The following SLC15A1 variants were observed in gnomAD, a reference collection of about 807,000 sequenced individuals.
The protein encoded by SLC15A1 is solute carrier family 15 member 1.
A neutral mutation model predicts 92.9 loss-of-function variants in SLC15A1; 83 were observed. That is an observed-to-expected ratio of 0.89 (90% CI 0.75 to 1.07). The LOEUF (loss-of-function observed/expected upper bound fraction) is 1.07, where lower values mean the gene tolerates loss of function less well. Ranked by LOEUF, SLC15A1 falls within the 50% of genes least tolerant of loss-of-function variation. The pLI is 0.00. For synonymous variants in SLC15A1, 322 were observed against 318.2 expected (o/e 1.01, Z -0.13); for missense variants, 857 against 880.1 (o/e 0.97, Z 0.33).
chr13:98,704,960 A>G (rs1379411712), intron 16 of SLC15A1, among the ~76,000 whole-genome samples: 1 of 151,948 alleles, frequency 6.6e-6, no homozygotes, highest in African/African-American at 2.4e-5. Context: ...GCACTTTGGG[A>G]GGCTGAGGCA....
intron 2 of SLC15A1, 194 bp downstream of exon 2, chr13:98,726,648 TC>T: frequency 2.7e-6 from 2 of 739,870 alleles, no homozygotes; most frequent in South Asian, 1.6e-5. Context: ...AAATAAAGCA[TC>T]CAGTGGTATT....
chr13:98,719,459 A>T, intron 7 of SLC15A1, 139 bp from the exon 8 acceptor site: 1 of 558,310 alleles, frequency 1.8e-6, no homozygotes, highest in Non-Finnish European at 3.1e-6. Flanking sequence ...TCACTGACAT[A>T]ATTGCCAGCT....
intron 1 of SLC15A1, among the ~76,000 whole-genome samples, chr13:98,746,124 G>T (rs2088491231): frequency 6.6e-6 from 1 of 152,184 alleles, no homozygotes; most frequent in South Asian, 2.1e-4. Context: ...GGAAAATGCA[G>T]TGTTTGATTT....
At chr13:98,726,966 C>G (rs2088307230) in intron 1 of SLC15A1, 107 bp from the exon 2 acceptor site, 1 of 978,668 alleles carries the variant, frequency 1.0e-6, no homozygotes, top group South Asian at 1.4e-5. Flanking sequence ...AGGGGCCATT[C>G]ACCAAACAGC....
intron 22 of SLC15A1, 27 bp from the exon 23 acceptor site, chr13:98,684,942 G>A (rs768227702): frequency 1.9e-6 from 3 of 1,583,880 alleles, no homozygotes; most frequent in Non-Finnish European, 2.6e-6. Context: ...GTTGGAGCAG[G>A]AAAAAGAACA....
At chr13:98,687,854 CAT>C in intron 20 of SLC15A1, 130 bp from the exon 21 acceptor site, 2 of 1,066,392 alleles carry the variant, frequency 1.9e-6, no homozygotes, top group Non-Finnish European at 2.7e-6. Flanking sequence ...ACATTTTAAA[CAT>C]AAGGCAACAC....
intron 7 of SLC15A1, among the ~76,000 whole-genome samples, chr13:98,720,063 G>T (rs866802771): frequency 2.0e-5 from 3 of 152,226 alleles, no homozygotes; most frequent in African/African-American, 7.2e-5. Flanking sequence ...CTCCAGGCAT[G>T]ATCTGCTGCT....
chr13:98,707,953 A>G (rs925283356), intron 15 of SLC15A1, among the ~76,000 whole-genome samples: 13 of 149,778 alleles, frequency 8.7e-5, no homozygotes, highest in African/African-American at 3.0e-4. Context: ...ATATATATAT[A>G]TATTTACTGC....
At chr13:98,685,091 T>A (rs2087919884) in intron 22 of SLC15A1, among the ~76,000 whole-genome samples, 176 bp from the exon 23 acceptor site, 1 of 152,228 alleles carries the variant, frequency 6.6e-6, no homozygotes, top group African/African-American at 2.4e-5. Flanking sequence ...TTTTCTGGAA[T>A]GCCCAAGATA....
At chr13:98,744,175 AG>A (rs1306750128) in intron 1 of SLC15A1, among the ~76,000 whole-genome samples, 3 of 147,432 alleles carry the variant, frequency 2.0e-5, no homozygotes, top group African/African-American at 7.6e-5. Flanking sequence ...AGGGAGGTCA[AG>A]GCTGCAGTGA....
chr13:98,736,344 G>C (rs6491448), intron 1 of SLC15A1, among the ~76,000 whole-genome samples: 86,278 of 152,084 alleles, frequency 0.57, 26,578 homozygotes, highest in African/African-American at 0.81. Flanking sequence ...ATTAATTCAA[G>C]ATGGATTAAA....
intron 1 of SLC15A1, among the ~76,000 whole-genome samples, chr13:98,732,086 T>G (rs4646214): frequency 0.45 from 68,606 of 152,152 alleles, 16,199 homozygotes; most frequent in East Asian, 0.62. Context: ...CTTAGAAAGC[T>G]CAAATGCAGA....
chr13:98,717,940 G>A (rs1215166412), intron 8 of SLC15A1, among the ~76,000 whole-genome samples: 2 of 152,092 alleles, frequency 1.3e-5, no homozygotes, highest in South Asian at 2.1e-4. Context: ...TGTAGAAAAC[G>A]CCACCTTTCC....
At chr13:98,697,626 T>C (rs2088033748) in intron 18 of SLC15A1, among the ~76,000 whole-genome samples, 1 of 151,654 alleles carries the variant, frequency 6.6e-6, no homozygotes, top group Admixed American at 6.6e-5. Flanking sequence ...TTTTTTTTTT[T>C]TTTTTTTTTT....
intron 8 of SLC15A1, among the ~76,000 whole-genome samples, chr13:98,717,468 T>C (rs112693092): frequency 0.02 from 3,098 of 152,322 alleles, 46 homozygotes; most frequent in Middle Eastern, 0.054. Flanking sequence ...AGAAAAAGCA[T>C]AATCGTTGAT....
rs1455276282 is a variant in SLC15A1, at chr13:98,711,446, T to C, written c.900+408A>G. Among the ~76,000 whole-genome samples the C allele has an allele frequency of 2.6e-5, 4 of 152,122 alleles. No individual in the cohort carries two copies. The East Asian group carries it at 7.7e-4, about 29-fold the overall frequency. Reference sequence around the variant, plus strand: ...CTAGCCCAAGCATTCCATCTTACAGTGGAAGAGATCAAGTCCCTCTCCATT... The same window carrying C: ...CTAGCCCAAGCATTCCATCTTACAGCGGAAGAGATCAAGTCCCTCTCCATT... On this transcript the variant is annotated intron_variant, in intron 11 of 22. Transcript: ENST00000376503.
At chr13:98,706,066 G>A (rs746040857) in intron 16 of SLC15A1, 68 bp downstream of exon 16, 9 of 1,539,296 alleles carry the variant, frequency 5.8e-6, no homozygotes, top group South Asian at 1.2e-5. Flanking sequence ...AAGAAAAACA[G>A]CTTCTCTAAA....
chr13:98,710,320 T>C (rs998653116), intron 11 of SLC15A1, among the ~76,000 whole-genome samples: 2 of 152,236 alleles, frequency 1.3e-5, no homozygotes. Context: ...AACAGCCATT[T>C]TGACAGTCTA....
chr13:98,708,540 C>T (rs1160707013), intron 15 of SLC15A1, 146 bp downstream of exon 15: 15 of 566,328 alleles, frequency 2.6e-5, no homozygotes, highest in Non-Finnish European at 3.9e-5. Flanking sequence ...ACCCATGGTG[C>T]CTCCCACTGC....
Sources: gnomAD v4.1 joint callset for allele counts (sites outside exome capture counted in the v4.1 genomes callset) on GRCh38, gnomAD v4.1.1 for gene constraint, MANE v1.5 for transcripts, NCBI Gene and HGNC (gene_info 2026-07-23, HGNC 2026-07-21) for gene names.